The following APRT variants were observed in gnomAD, a reference collection of about 807,000 sequenced individuals.
APRT encodes the protein AMP diphosphorylase.
Under a neutral mutation model 21.0 loss-of-function variants are expected in APRT, and 25 were observed. That is an observed-to-expected ratio of 1.19 (90% CI 0.87 to 1.66). The LOEUF (loss-of-function observed/expected upper bound fraction) is 1.66, where lower values mean the gene tolerates loss of function less well. APRT is among the 40% of genes most tolerant of loss of function. The pLI is 0.00. For missense variants in APRT, 294 were observed against 232.7 expected, an observed-to-expected ratio of 1.26 and a Z score of -1.72; for synonymous variants, 153 against 109.0, an observed-to-expected ratio of 1.40 and a Z score of -2.52.
intron 4 of APRT, 85 bp downstream of exon 4, chr16:88,809,985 T>TGCATCCC: frequency 6.4e-7 from 1 of 1,570,830 alleles, no homozygotes; most frequent in Non-Finnish European, 8.7e-7. Flanking sequence ...AACAGTAAGC[T>TGCATCCC]GCATCCCATG....
Position 88,811,882 on chromosome 16 carries a change from C to A in APRT, c.18G>T (p.Leu6=). The stretch of plus-strand genomic sequence containing the variant: ...TGCGGATCCGCTGCTCAACCAGCTG[C>A]AGCTCGGAGTCGGCCATGGCCGCGT... MADSE[L]QLVEQRIRSF... is the part of the protein sequence containing the mutation. Residue 6 remains leucine (L), a synonymous_variant, in exon 1 of 5, where the codon CTG becomes CTT. Coordinates refer to ENST00000378364, the MANE Select transcript of APRT (RefSeq NM_000485.3). 6.4e-7 allele frequency: 1 copy of A among 1,561,198 alleles called. No individual in the cohort carries two copies. The highest frequency in any genetic ancestry group is 2.4e-5 in the East Asian group (1 of 41,844).
intron 2 of APRT, 82 bp downstream of exon 2, chr16:88,811,468 C>A: frequency 7.1e-7 from 1 of 1,415,350 alleles, no homozygotes; most frequent in Non-Finnish European, 9.6e-7. Flanking sequence ...GGCCCTCCCC[C>A]AAGCAGACGC....
chr16:88,811,687 G>A, intron 1 of APRT, 31 bp from the exon 2 acceptor site: 1 of 1,537,784 alleles, frequency 6.5e-7, no homozygotes, highest in Admixed American at 1.9e-5. Flanking sequence ...GGTGACGCCG[G>A]GGCCGAAGGA....
chr16:88,811,095 C>T (rs1224047773), intron 2 of APRT: 6 of 303,706 alleles, frequency 2.0e-5, no homozygotes, highest in Non-Finnish European at 3.1e-5. Context: ...AGAGGCAAGA[C>T]GGCCAGGAAC....
chr16:88,811,733 G>A, intron 1 of APRT, 77 bp from the exon 2 acceptor site: 2 of 1,499,020 alleles, frequency 1.3e-6, no homozygotes, highest in Non-Finnish European at 1.8e-6. Context: ...GAGGGTTCCC[G>A]CCCCGCCCGC....
Position 88,810,571 on chromosome 16 carries a change from G to C in APRT, c.188-15C>G. On this transcript the variant is annotated splice_polypyrimidine_tract_variant and intron_variant, in intron 2 of 4. Transcript: ENST00000378364. Reference sequence around the variant, plus strand: ...GGAGTCTAGGCCTGTCAGGGTAAGTGACAGGAGTGACTCGGCAGCATGGGA... The same window carrying C: ...GGAGTCTAGGCCTGTCAGGGTAAGTCACAGGAGTGACTCGGCAGCATGGGA... 1 of 1,609,668 alleles carries C rather than the reference G, an allele frequency of 6.2e-7. No individual in the cohort carries two copies. The highest frequency in any genetic ancestry group is 8.5e-7 in the Non-Finnish European group (1 of 1,179,012).
At chr16:88,809,890 G>C (rs1909045250) in intron 4 of APRT, 50 bp from the exon 5 acceptor site, 1 of 1,601,642 alleles carries the variant, frequency 6.2e-7, no homozygotes, top group Non-Finnish European at 8.5e-7. Flanking sequence ...GCAGAGAGCA[G>C]GTGCTCCAGG....
At chr16:88,810,632 T>C (rs1597509716) in intron 2 of APRT, 76 bp from the exon 3 acceptor site, 1 of 1,554,326 alleles carries the variant, frequency 6.4e-7, no homozygotes, top group Non-Finnish European at 8.7e-7. Flanking sequence ...TGGCAAGGGG[T>C]ACCTGGTTGG....
intron 4 of APRT, 65 bp downstream of exon 4, chr16:88,810,005 G>C: frequency 6.3e-7 from 1 of 1,583,496 alleles, no homozygotes; most frequent in South Asian, 1.1e-5. Context: ...GTCACACAGC[G>C]AGGTCCTGTC....
intron 1 of APRT, 80 bp downstream of exon 1, chr16:88,811,740 C>G: frequency 1.3e-6 from 2 of 1,501,654 alleles, no homozygotes; most frequent in South Asian, 2.5e-5. Flanking sequence ...CCCGCCCCGC[C>G]CGCCCGGAGG....
At position 88,810,468 on chromosome 16, in the gene APRT, C is replaced by T. The variant is rs372253865; in HGVS notation, c.276G>A (p.Leu92=). Residue 92 remains leucine (L), a synonymous_variant, in exon 3 of 5, where the codon CTG becomes CTA. Transcript: ENST00000378364. ...AGGAGGCCCACAGAGTGGGGCCTGGCAGCTTCCCCCGCTTTCGGATGAGCA... is the reference window on the plus strand; with the variant it reads ...AGGAGGCCCACAGAGTGGGGCCTGGTAGCTTCCCCCGCTTTCGGATGAGCA... ...GCVLIRKRGK[L]PGPTLWASYS... The T allele has an allele frequency of 2.0e-4, 323 of 1,612,148 alleles. No individual in the cohort carries two copies. Among genetic ancestry groups the T allele is most frequent in the Non-Finnish European group, 2.7e-4 (313 of 1,179,924 alleles).
intron 3 of APRT, 120 bp downstream of exon 3, chr16:88,810,303 C>A (rs1329595314): frequency 6.5e-7 from 1 of 1,529,822 alleles, no homozygotes; most frequent in African/African-American, 1.4e-5. Flanking sequence ...TCTGAGCTCC[C>A]AAGGCCACTG....
At chr16:88,811,030 A>G in intron 2 of APRT, 1 of 272,538 alleles carries the variant, frequency 3.7e-6, no homozygotes, top group Non-Finnish European at 7.1e-6. Context: ...GGCTCCAGCA[A>G]GAGCTGGCGC....
intron 2 of APRT, 80 bp downstream of exon 2, chr16:88,811,470 A>G (rs1171036952): frequency 2.1e-6 from 3 of 1,418,976 alleles, no homozygotes; most frequent in Non-Finnish European, 1.9e-6. Context: ...CCCTCCCCCA[A>G]GCAGACGCGC....
Position 88,810,151 on chromosome 16 carries a change from G to A in APRT, c.322-3C>T. The A allele has an allele frequency of 6.2e-7, 1 of 1,612,722 alleles. No homozygotes were observed. The highest frequency in any genetic ancestry group is 1.3e-5 in the African/African-American group (1 of 75,050). ...TCTTTCTGAATCTCCAGCTCAGCCT[G>A]GAGTGGGAAGTGGTGTGTGGTCCTC... On this transcript the variant is annotated splice_polypyrimidine_tract_variant and splice_region_variant and intron_variant, in intron 3 of 4. Transcript: ENST00000378364.
At chr16:88,811,693 A>T in intron 1 of APRT, 37 bp from the exon 2 acceptor site, 1 of 1,529,594 alleles carries the variant, frequency 6.5e-7, no homozygotes, top group East Asian at 2.5e-5. Context: ...GCCGGGGCCG[A>T]AGGAGGGCAG....
chr16:88,810,191 A>G (rs761643046), intron 3 of APRT, 43 bp from the exon 4 acceptor site: 117 of 1,600,942 alleles, frequency 7.3e-5, no homozygotes, highest in Non-Finnish European at 9.1e-5. Flanking sequence ...TCCCGCAGAA[A>G]ACAGCTTTGT....
intron 3 of APRT, 82 bp downstream of exon 3, chr16:88,810,341 C>G: frequency 6.3e-7 from 1 of 1,583,184 alleles, no homozygotes; most frequent in Non-Finnish European, 8.6e-7. Context: ...CTTGACACGC[C>G]TGGGAAGGCC....
chr16:88,811,872 C>A lies in APRT; in HGVS notation c.28G>T (p.Glu10Ter). MADSELQLV[E>*]QRIRSFPDFP... ...TCGGGGAAGCTGCGGATCCGCTGCT[C>A]AACCAGCTGCAGCTCGGAGTCGGCC... Residue 10 changes from glutamate (E) to a stop codon, truncating the protein, a stop_gained, in exon 1 of 5, where the codon GAG becomes TAG. Transcript: ENST00000378364. LOFTEE classifies it high-confidence loss of function. 2.6e-6 allele frequency: 4 copies of A among 1,565,818 alleles called. No homozygotes were observed. The highest frequency in any genetic ancestry group is 3.5e-6 in the Non-Finnish European group (4 of 1,157,778).
Sources: gnomAD v4.1 joint callset for allele counts on GRCh38, gnomAD v4.1.1 for gene constraint, MANE v1.5 for transcripts, NCBI Gene and HGNC (gene_info 2026-07-23, HGNC 2026-07-21) for gene names.